Variants in STX18 observed in about 807,000 individuals in gnomAD.
STX18 encodes syntaxin 18, also known as syntaxin-18.
In STX18, 40 loss-of-function variants were observed where a neutral mutation model predicts 50.1. The ratio of observed to expected loss-of-function variants is 0.80; its 90% CI spans 0.62 to 1.04. The LOEUF (loss-of-function observed/expected upper bound fraction) is 1.04, where lower values mean the gene tolerates loss of function less well. STX18 is among the 50% of genes least tolerant of loss of function. STX18 has a pLI of 0.00. For synonymous variants in STX18, 158 were observed against 151.8 expected (o/e 1.04, Z -0.30); for missense variants, 410 against 415.8 (o/e 0.99, Z 0.12).
chr4:4,477,136 G>A (rs1332269152), intron 1 of STX18, among the ~76,000 whole-genome samples: 2 of 152,054 alleles, frequency 1.3e-5, no homozygotes, highest in African/African-American at 2.4e-5. Context: ...CCAGCTACTC[G>A]GGAGGCTGAG....
At chr4:4,487,882 C>T (rs1312421383) in intron 1 of STX18, among the ~76,000 whole-genome samples, 1 of 152,148 alleles carries the variant, frequency 6.6e-6, no homozygotes, top group Non-Finnish European at 1.5e-5. Flanking sequence ...ATTCCCAAAG[C>T]CTGGCATAGT....
intron 1 of STX18, among the ~76,000 whole-genome samples, chr4:4,537,167 C>T (rs751706464): frequency 2.6e-5 from 4 of 152,200 alleles, no homozygotes; most frequent in Non-Finnish European, 5.9e-5. Context: ...AATAGAAGAG[C>T]TGCCACTATG....
At chr4:4,432,251 A>C (rs1725554825) in intron 7 of STX18, among the ~76,000 whole-genome samples, 1 of 152,234 alleles carries the variant, frequency 6.6e-6, no homozygotes, top group African/African-American at 2.4e-5. Flanking sequence ...GATGATTTTA[A>C]AGGGGAAACC....
intron 2 of STX18, among the ~76,000 whole-genome samples, chr4:4,465,272 T>C (rs1727565495): frequency 1.3e-5 from 2 of 152,186 alleles, no homozygotes; most frequent in African/African-American, 2.4e-5. Flanking sequence ...TACAAATCAT[T>C]CTATTATAAA....
At chr4:4,439,440 A>G (rs1160317460) in intron 5 of STX18, among the ~76,000 whole-genome samples, 1 of 123,946 alleles carries the variant, frequency 8.1e-6, no homozygotes, top group African/African-American at 3.1e-5. Context: ...CCCCACATAT[A>G]CCCTCCCCCA....
chr4:4,429,802 CAT>C (rs1199112435), intron 7 of STX18, among the ~76,000 whole-genome samples: 1 of 152,230 alleles, frequency 6.6e-6, no homozygotes, highest in African/African-American at 2.4e-5. Context: ...GTTCTAGATG[CAT>C]GAGCTGAAAA....
At chr4:4,437,509 C>A (rs796291003) in intron 6 of STX18, 2 of 660,278 alleles carry the variant, frequency 3.0e-6, no homozygotes, top group African/African-American at 3.9e-5. Flanking sequence ...TGCAAATATG[C>A]AAAAATTTGA....
At chr4:4,434,010 T>C (rs1725651456) in intron 7 of STX18, among the ~76,000 whole-genome samples, 2 of 152,210 alleles carry the variant, frequency 1.3e-5, no homozygotes, top group African/African-American at 4.8e-5. Flanking sequence ...AAAAGTATCA[T>C]GGATAAAATG....
At chr4:4,459,342 T>G (rs746337058) in intron 3 of STX18, 30 bp downstream of exon 3, 9 of 1,524,816 alleles carry the variant, frequency 5.9e-6, no homozygotes, top group Non-Finnish European at 7.3e-6. Flanking sequence ...TATTCATGGT[T>G]GCTTGTTTGC....
intron 6 of STX18, among the ~76,000 whole-genome samples, chr4:4,435,278 A>G (rs1577318970): frequency 1.3e-5 from 2 of 152,266 alleles, no homozygotes; most frequent in South Asian, 2.1e-4. Flanking sequence ...ACATATGCAT[A>G]TATACATACA....
At chr4:4,510,100 C>A (rs1729929170) in intron 1 of STX18, among the ~76,000 whole-genome samples, 1 of 152,122 alleles carries the variant, frequency 6.6e-6, no homozygotes, top group South Asian at 2.1e-4. Flanking sequence ...AACTAGGGGG[C>A]TGCAGGAAAT....
chr4:4,471,582 T>C (rs776280123), intron 2 of STX18, 57 bp downstream of exon 2: 37 of 1,188,952 alleles, frequency 3.1e-5, no homozygotes, highest in Non-Finnish European at 4.3e-5. Context: ...GCAAAAGAAA[T>C]ATAGGTGTAG....
intron 5 of STX18, among the ~76,000 whole-genome samples, chr4:4,448,081 C>G (rs1258568744): frequency 6.6e-6 from 1 of 152,118 alleles, no homozygotes; most frequent in Non-Finnish European, 1.5e-5. Flanking sequence ...AGGGTGGTGG[C>G]CAAAGGCTAC....
intron 1 of STX18, among the ~76,000 whole-genome samples, chr4:4,490,842 A>G (rs964834571): frequency 3.3e-5 from 5 of 152,184 alleles, no homozygotes; most frequent in Non-Finnish European, 7.4e-5. Flanking sequence ...TTAATGTTAC[A>G]TCTGACTTTA....
intron 5 of STX18, among the ~76,000 whole-genome samples, chr4:4,447,494 G>C (rs1270652992): frequency 6.6e-6 from 1 of 150,396 alleles, no homozygotes; most frequent in Non-Finnish European, 1.5e-5. Flanking sequence ...GGGAGGCTGA[G>C]GCAGGAGAAT....
intron 2 of STX18, among the ~76,000 whole-genome samples, chr4:4,470,155 A>G (rs1467983287): frequency 6.6e-6 from 1 of 152,178 alleles, no homozygotes; most frequent in Admixed American, 6.5e-5. Flanking sequence ...GTGACGAACC[A>G]GGAAGTTTAA....
At chr4:4,529,602 G>T (rs1406640387) in intron 1 of STX18, among the ~76,000 whole-genome samples, 2 of 152,330 alleles carry the variant, frequency 1.3e-5, no homozygotes, top group East Asian at 3.9e-4. Flanking sequence ...ACTTGCCACA[G>T]GACACCTGTG....
chr4:4,471,168 G>A (rs1727895514), intron 2 of STX18, among the ~76,000 whole-genome samples: 2 of 152,214 alleles, frequency 1.3e-5, no homozygotes, highest in Admixed American at 1.3e-4. Context: ...GGGAATTGGC[G>A]AGGGAGGCAT....
intron 1 of STX18, among the ~76,000 whole-genome samples, chr4:4,489,063 T>G (rs530572663): frequency 3.9e-5 from 6 of 152,294 alleles, no homozygotes; most frequent in African/African-American, 1.4e-4. Flanking sequence ...TTTTTTTCTC[T>G]TTTAGCAAAA....
Sources: allele counts gnomAD v4.1 joint callset (sites outside exome capture counted in the v4.1 genomes callset), GRCh38; gene constraint gnomAD v4.1.1; transcripts MANE v1.5; gene names NCBI Gene and HGNC (gene_info 2026-07-23, HGNC 2026-07-21).